AHCYL2: variants seen among roughly 807,000 people sequenced by gnomAD.
The protein encoded by AHCYL2 is adenosylhomocysteinase like 2, also known as S-adenosylhomocysteine hydrolase-like protein 2.
AHCYL2 carries 28 observed loss-of-function variants against 81.4 expected under a neutral mutation model. The observed-to-expected ratio is 0.34, with a 90% CI of 0.25 to 0.47. AHCYL2 has a LOEUF of 0.47. AHCYL2 is among the 20% of genes least tolerant of loss of function. The probability of loss-of-function intolerance (pLI) is 1.00; values close to 1 mark genes in which losing one functional copy is unlikely to be tolerated. For missense variants in AHCYL2, 551 were observed against 785.1 expected (o/e 0.70, Z 3.56); for synonymous variants, 272 against 290.2 (o/e 0.94, Z 0.64).
At chr7:129,255,831 G>A (rs576811114) in intron 1 of AHCYL2, among the ~76,000 whole-genome samples, 4 of 152,160 alleles carry the variant, frequency 2.6e-5, no homozygotes, top group African/African-American at 4.8e-5. Flanking sequence ...GCTGGGCCTC[G>A]TGGGAGGCAC....
At chr7:129,242,717 GAA>G (rs76368354) in intron 1 of AHCYL2, among the ~76,000 whole-genome samples, 5 of 108,940 alleles carry the variant, frequency 4.6e-5, no homozygotes, top group South Asian at 3.0e-4. Context: ...CTCTGTCTCA[GAA>G]AAAAAAAAAA....
In AHCYL2 at chr7:129,368,067, T is replaced by C; in HGVS notation, c.364-11571T>C. ...CTTTATTGATCTTGGTATCCGCACC[T>C]CCAGTGACGTGTCCTGAAGGGTGGG... is the stretch of plus-strand genomic sequence containing the variant. On this transcript the variant is annotated intron_variant, in intron 1 of 16. Transcript: ENST00000325006. This position sits in a 1 kb window ranked among gnomAD's most constrained non-coding sequence, Gnocchi z 4.4. 1 of 987,384 alleles carries C rather than the reference T, an allele frequency of 1.0e-6. No homozygotes were observed. Among genetic ancestry groups the C allele is most frequent in the Non-Finnish European group, 1.2e-6 (1 of 829,986 alleles). 61.2% of individuals were successfully genotyped at this position (987,384 alleles called of 1,614,324 possible).
chr7:129,401,043 C>T (rs1178539592), intron 6 of AHCYL2, among the ~76,000 whole-genome samples: 1 of 152,150 alleles, frequency 6.6e-6, no homozygotes. Flanking sequence ...AAAAGCTACA[C>T]AAAGGGCCAG....
intron 1 of AHCYL2, among the ~76,000 whole-genome samples, chr7:129,258,340 C>A (rs959486387): frequency 6.6e-6 from 1 of 150,852 alleles, no homozygotes; most frequent in Non-Finnish European, 1.5e-5. Context: ...AAAATACTAA[C>A]CTTATGCCTA....
chr7:129,242,492 C>T lies in AHCYL2; in HGVS notation c.363+17053C>T, dbSNP rs184301065. On this transcript the variant is annotated intron_variant, in intron 1 of 16. Coordinates refer to ENST00000325006, the MANE Select transcript of AHCYL2 (RefSeq NM_015328.4). ...CAGCACTTTGGGAGGCCAAGGGGGG[C>T]GGATCACGAGGTCAGAAGTTTGAGA... is the stretch of plus-strand genomic sequence containing the variant. 9.2e-5 allele frequency among the ~76,000 whole-genome samples: 14 copies of T among 152,102 alleles called. No homozygotes were observed. The East Asian group carries it at 9.7e-4, about 11-fold the overall frequency.
chr7:129,298,857 G>T (rs1436225214), intron 1 of AHCYL2, among the ~76,000 whole-genome samples: 1 of 152,112 alleles, frequency 6.6e-6, no homozygotes, highest in Non-Finnish European at 1.5e-5. Flanking sequence ...AATCATTACT[G>T]AATTATACAA....
intron 1 of AHCYL2, among the ~76,000 whole-genome samples, 170 bp downstream of exon 1, chr7:129,225,609 C>T (rs1204011998): frequency 1.3e-5 from 2 of 152,268 alleles, no homozygotes; most frequent in Admixed American, 6.5e-5. Flanking sequence ...GCCGGCCCCT[C>T]GTGCTGGGAG....
chr7:129,358,832 G>A (rs1793835215), intron 1 of AHCYL2, among the ~76,000 whole-genome samples: 1 of 152,100 alleles, frequency 6.6e-6, no homozygotes, highest in African/African-American at 2.4e-5. Context: ...ACCACAGTGT[G>A]ACACCATTAT....
chr7:129,400,387 G>T lies in AHCYL2; in HGVS notation c.918+3G>T. ...TGGAGGGCTGGCAGCCAAACATGGT[G>T]GGTCAGATTTCTGCTAACACAATTC... On this transcript the variant is annotated splice_donor_region_variant and intron_variant, in intron 6 of 16. Transcript: ENST00000325006. 6.2e-7 allele frequency: 1 copy of T among 1,612,654 alleles called. No homozygotes were observed.
chr7:129,235,872 C>T (rs1300457666), intron 1 of AHCYL2, among the ~76,000 whole-genome samples: 1 of 152,136 alleles, frequency 6.6e-6, no homozygotes, highest in Non-Finnish European at 1.5e-5. Flanking sequence ...AACCATTCTT[C>T]CATTGATGCA....
At chr7:129,283,115 C>T (rs1467453320) in intron 1 of AHCYL2, among the ~76,000 whole-genome samples, 2 of 152,132 alleles carry the variant, frequency 1.3e-5, no homozygotes, top group Admixed American at 1.3e-4. Flanking sequence ...CACTGCAGAG[C>T]TCCAGGTGCT....
chr7:129,360,112 A>T (rs555623556), intron 1 of AHCYL2, among the ~76,000 whole-genome samples: 6 of 138,430 alleles, frequency 4.3e-5, no homozygotes, highest in African/African-American at 1.5e-4. Flanking sequence ...ATTTTTTTTT[A>T]ATTTTAATTT....
chr7:129,304,715 G>A (rs1456473352), intron 1 of AHCYL2, among the ~76,000 whole-genome samples: 2 of 151,352 alleles, frequency 1.3e-5, no homozygotes, highest in Non-Finnish European at 3.0e-5. Context: ...GCTCTTTTTT[G>A]GTTTCCATTG....
intron 12 of AHCYL2, among the ~76,000 whole-genome samples, chr7:129,421,048 C>T (rs1237211344): frequency 1.3e-5 from 2 of 151,968 alleles, no homozygotes; most frequent in Non-Finnish European, 2.9e-5. Flanking sequence ...GTCAGGGGTT[C>T]GAGACCAGCC....
In AHCYL2 at chr7:129,263,619, A is replaced by G. The variant is rs1259580179; in HGVS notation, c.363+38180A>G. 1.2e-4 allele frequency among the ~76,000 whole-genome samples: 18 copies of G among 152,138 alleles called. 1 individual carries two copies. Among genetic ancestry groups the G allele is most frequent in the Admixed American group, 1.2e-3 (18 of 15,262 alleles). On this transcript the variant is annotated intron_variant, in intron 1 of 16. Coordinates refer to ENST00000325006, the MANE Select transcript of AHCYL2 (RefSeq NM_015328.4). ...ACAAGAAAATGTCCTGGCAGCTTTA[A>G]TTTGTTTCTCTTCTCCCTGAGGCTG...
chr7:129,350,714 C>CTTTTTTTTT (rs56115169), intron 1 of AHCYL2, among the ~76,000 whole-genome samples: 3 of 122,146 alleles, frequency 2.5e-5, no homozygotes, highest in Admixed American at 8.7e-5. Context: ...TTCTTTCTTT[C>CTTTTTTTTT]TTTTTTTTTT....
At chr7:129,272,918 A>G (rs999770238) in intron 1 of AHCYL2, among the ~76,000 whole-genome samples, 1 of 151,950 alleles carries the variant, frequency 6.6e-6, no homozygotes, top group African/African-American at 2.4e-5. Flanking sequence ...TTTTATTATT[A>G]TTATTATTAT....
At chr7:129,343,016 A>T (rs1021812313) in intron 1 of AHCYL2, among the ~76,000 whole-genome samples, 1 of 152,218 alleles carries the variant, frequency 6.6e-6, no homozygotes, top group East Asian at 1.9e-4. Context: ...ATAGGGAAGT[A>T]TACTATGGGG....
At chr7:129,350,019 C>T (rs1371308569) in intron 1 of AHCYL2, among the ~76,000 whole-genome samples, 1 of 152,208 alleles carries the variant, frequency 6.6e-6, no homozygotes, top group African/African-American at 2.4e-5. Flanking sequence ...TTGTACAACT[C>T]AATTACTCAG....
Sources: allele counts gnomAD v4.1 joint callset (sites outside exome capture counted in the v4.1 genomes callset), GRCh38; gene constraint gnomAD v4.1.1; non-coding constraint Gnocchi (gnomAD v3.1); transcripts MANE v1.5; gene names NCBI Gene and HGNC (gene_info 2026-07-23, HGNC 2026-07-21).